Variants in BCO2 observed in about 807,000 individuals in gnomAD.
The protein encoded by BCO2 is beta-carotene oxygenase 2, also known as carotenoid-cleaving dioxygenase, mitochondrial.
Under a neutral mutation model 65.8 loss-of-function variants are expected in BCO2, and 56 were observed. That is an observed-to-expected ratio of 0.85 (90% CI 0.69 to 1.06). BCO2 has a LOEUF of 1.06. Among genes scored for constraint, BCO2 ranks in the 50% least tolerant of loss-of-function variants. The pLI is 0.00. For missense variants in BCO2, 675 were observed against 698.5 expected (o/e 0.97, Z 0.38); for synonymous variants, 233 against 242.3 (o/e 0.96, Z 0.36).
At position 112,199,747 on chromosome 11, in the gene BCO2, G is replaced by A; in HGVS notation, c.785G>A (p.Gly262Glu). The A allele has an allele frequency of 1.2e-6, 2 of 1,613,736 alleles. No homozygotes were observed. Residue 262 changes from glycine to glutamate, a missense_variant, in exon 6 of 12, where the codon GGG (glycine) becomes GAG (glutamate). Physicochemically the swap from Gly to Glu is moderately conservative, Grantham distance 98. Transcript: ENST00000357685. Reference protein sequence around the residue: ...IRVPPEKVDLGETIHGVQVIC... With the variant: ...IRVPPEKVDLEETIHGVQVIC... ...GTTCCTCCAGAGAAGGTGGACCTTG[G>A]GGAGACAATCCATGGAGTCCAGGTG...
chr11:112,215,420 A>T (rs1859640714), intron 10 of BCO2: 1 of 166,926 alleles, frequency 6.0e-6, no homozygotes, highest in Non-Finnish European at 1.3e-5. Context: ...TATAAAGAAA[A>T]GAGGTTTAGG....
chr11:112,208,511 G>C (rs1859413925), intron 8 of BCO2: 1 of 157,054 alleles, frequency 6.4e-6, no homozygotes. Flanking sequence ...CCCAATCTGA[G>C]AGGCAAAGCT....
At position 112,217,857 on chromosome 11, in the gene BCO2, A is replaced by G. The variant is rs1420069648; in HGVS notation, c.1723A>G (p.Thr575Ala). 4 of 1,611,880 alleles carry G rather than the reference A, an allele frequency of 2.5e-6. No homozygotes were observed. Among genetic ancestry groups the G allele is most frequent in the Admixed American group, 3.3e-5 (2 of 59,742 alleles). ...PVQMPYGFHG[T>A]FIPI ...GCAGATGCCTTATGGGTTCCATGGT[A>G]CCTTCATACCCATCTGATGGGACAA... Residue 575 changes from threonine to alanine, a missense_variant, in exon 12 of 12, where the codon ACC (threonine) becomes GCC (alanine). Coordinates refer to ENST00000357685, the MANE Select transcript of BCO2 (RefSeq NM_031938.7).
chr11:112,193,295 C>T (rs1867454667), intron 2 of BCO2, among the ~76,000 whole-genome samples, 179 bp from the exon 3 acceptor site: 1 of 151,934 alleles, frequency 6.6e-6, no homozygotes, highest in South Asian at 2.1e-4. Context: ...TCCTTTTATA[C>T]CTAGGATATA....
intron 8 of BCO2, among the ~76,000 whole-genome samples, chr11:112,210,397 A>G (rs1482005800): frequency 1.3e-5 from 2 of 152,186 alleles, no homozygotes; most frequent in African/African-American, 4.8e-5. Context: ...CCTCTAGAGA[A>G]GAATTTCACT....
In BCO2 at chr11:112,218,827, A is replaced by G. The variant is rs1859761622; in HGVS notation, c.*953A>G. 1 of 152,228 alleles carries G rather than the reference A, an allele frequency of 6.6e-6. No homozygotes were observed. Among genetic ancestry groups the G allele is most frequent in the Non-Finnish European group, 1.5e-5 (1 of 68,050 alleles). 9.4% of individuals were successfully genotyped at this position (152,228 alleles called of 1,614,324 possible). The stretch of plus-strand genomic sequence containing the variant: ...TTTATTTTTTAGGGCTCTTACTTGA[A>G]ATAATTAAGAAAGTATTGATACAAC... On this transcript the variant is annotated 3_prime_UTR_variant, in exon 12 of 12. Coordinates refer to ENST00000357685, the MANE Select transcript of BCO2 (RefSeq NM_031938.7).
At chr11:112,186,809 T>G (rs1487926253) in intron 2 of BCO2, among the ~76,000 whole-genome samples, 1 of 152,126 alleles carries the variant, frequency 6.6e-6, no homozygotes, top group Non-Finnish European at 1.5e-5. Flanking sequence ...CTGGGCAACA[T>G]AGCAAGACTC....
chr11:112,216,963 T>C (rs1296269885), intron 11 of BCO2, among the ~76,000 whole-genome samples: 1 of 152,242 alleles, frequency 6.6e-6, no homozygotes, highest in East Asian at 1.9e-4. Flanking sequence ...ATATCTGCCA[T>C]GGGCTTTAGG....
chr11:112,200,161 C>A (rs1351948903), intron 6 of BCO2, among the ~76,000 whole-genome samples: 1 of 152,028 alleles, frequency 6.6e-6, no homozygotes, highest in African/African-American at 2.4e-5. Context: ...TGGGGAAATT[C>A]ATATTCTATA....
intron 2 of BCO2, among the ~76,000 whole-genome samples, chr11:112,186,068 AG>A (rs2135356305): frequency 6.6e-6 from 1 of 152,296 alleles, no homozygotes; most frequent in East Asian, 1.9e-4. Context: ...ACCAAGAATT[AG>A]GGATGTTTAA....
At chr11:112,184,284 G>T (rs1378042965) in intron 2 of BCO2, among the ~76,000 whole-genome samples, 1 of 149,116 alleles carries the variant, frequency 6.7e-6, no homozygotes, top group African/African-American at 2.5e-5. Flanking sequence ...ACAGAGTCTC[G>T]CTGTGTCGCC....
intron 2 of BCO2, chr11:112,179,725 G>A: frequency 2.0e-6 from 1 of 488,694 alleles, no homozygotes; most frequent in Non-Finnish European, 3.7e-6. Context: ...AAGAAGAGAG[G>A]TGTCAGAAGC....
At position 112,218,106 on chromosome 11, in the gene BCO2, A is replaced by G. The variant is rs1451439723; in HGVS notation, c.*232A>G. 2.3e-5 allele frequency: 9 copies of G among 383,206 alleles called. No homozygotes were observed. The highest frequency in any genetic ancestry group is 4.2e-5 in the Non-Finnish European group (9 of 214,866). The allele number at this position is 383,206 out of a possible 1,614,324, so 23.7% of individuals were successfully genotyped here. A position where few individuals can be genotyped will look rare whatever the true frequency, so the allele number is the denominator to read the frequency against. ...TGTAACAAGCCTGCACATGTACCCC[A>G]GAATCTAAAATAAAAATAAAAAGAA... On this transcript the variant is annotated 3_prime_UTR_variant, in exon 12 of 12. Transcript: ENST00000357685.
chr11:112,188,267 G>T (rs1393837585), intron 2 of BCO2, among the ~76,000 whole-genome samples: 1 of 152,182 alleles, frequency 6.6e-6, no homozygotes, highest in East Asian at 1.9e-4. Flanking sequence ...CCCTCTCTTT[G>T]TCGCTGTCTA....
intron 2 of BCO2, chr11:112,182,062 T>C (rs1436676457): frequency 3.5e-6 from 1 of 289,440 alleles, no homozygotes; most frequent in African/African-American, 2.2e-5. Flanking sequence ...CAGATACTTC[T>C]CAAAAGAAGA....
At chr11:112,210,857 A>G (rs1437984102) in intron 8 of BCO2, among the ~76,000 whole-genome samples, 23 of 152,148 alleles carry the variant, frequency 1.5e-4, no homozygotes. Flanking sequence ...ATTATATTAT[A>G]ATTATGCAAG....
chr11:112,198,152 C>A (rs555200898), intron 5 of BCO2, among the ~76,000 whole-genome samples: 1 of 152,148 alleles, frequency 6.6e-6, no homozygotes, highest in South Asian at 2.1e-4. Context: ...AAAAGAAAAA[C>A]AACAAGGCAA....
At position 112,193,456 on chromosome 11, in the gene BCO2, A is replaced by G; in HGVS notation, c.294-18A>G. The stretch of plus-strand genomic sequence containing the variant: ...CATGTTTTCTTACTGATATTTATTT[A>G]TTTTCTCCTGTTTGAAGGTACAATC... On this transcript the variant is annotated intron_variant, in intron 2 of 11. Transcript: ENST00000357685. 1 of 1,602,372 alleles carries G rather than the reference A, an allele frequency of 6.2e-7. No individual in the cohort carries two copies. The highest frequency in any genetic ancestry group is 1.1e-5 in the South Asian group (1 of 90,482).
At chr11:112,210,919 AT>A (rs1187061952) in intron 8 of BCO2, among the ~76,000 whole-genome samples, 2 of 152,054 alleles carry the variant, frequency 1.3e-5, no homozygotes, top group Non-Finnish European at 2.9e-5. Flanking sequence ...TCTCTGTATT[AT>A]TTCTTTTTTT....
Sources: gnomAD v4.1 joint callset for allele counts (sites outside exome capture counted in the v4.1 genomes callset) on GRCh38, gnomAD v4.1.1 for gene constraint, MANE v1.5 for transcripts, NCBI Gene and HGNC (gene_info 2026-07-23, HGNC 2026-07-21) for gene names.